PEAK1: variants seen among roughly 807,000 people sequenced by gnomAD.
PEAK1 encodes pseudopodium enriched atypical kinase 1, also known as inactive tyrosine-protein kinase PEAK1.
PEAK1 carries 54 observed loss-of-function variants against 124.7 expected under a neutral mutation model. The ratio of observed to expected loss-of-function variants is 0.43; its 90% CI spans 0.35 to 0.54. PEAK1 has a LOEUF of 0.54. PEAK1 is among the 20% of genes least tolerant of loss of function. The pLI is 0.01. For missense variants in PEAK1, 2,046 were observed against 2,134.5 expected, an observed-to-expected ratio of 0.96 and a Z score of 0.82; for synonymous variants, 719 against 760.0, an observed-to-expected ratio of 0.95 and a Z score of 0.89.
chr15:77,247,485 CTTTTTTTTTT>C (rs398028029), intron 6 of PEAK1, among the ~76,000 whole-genome samples: 1,399 of 84,398 alleles, frequency 0.017, 18 homozygotes, highest in African/African-American at 0.031. Context: ...CTTTTCTTTT[CTTTTTTTTTT>C]TTTTTTTTTT....
At chr15:77,331,161 G>A (rs1051485146) in intron 2 of PEAK1, 1 of 409,744 alleles carries the variant, frequency 2.4e-6, no homozygotes. Context: ...ACGAAGTCTT[G>A]CTCTGCTGCC....
At chr15:77,146,739 T>C (rs892806423) in intron 8 of PEAK1, among the ~76,000 whole-genome samples, 3 of 152,184 alleles carry the variant, frequency 2.0e-5, no homozygotes, top group South Asian at 2.1e-4. Flanking sequence ...TCTTTAGCCA[T>C]TGGTTCAAAT....
chr15:77,161,508 G>A (rs368908163), intron 7 of PEAK1, among the ~76,000 whole-genome samples: 19 of 152,268 alleles, frequency 1.2e-4, no homozygotes, highest in African/African-American at 1.9e-4. Flanking sequence ...AAAGAACTAC[G>A]CAAATAGAGT....
chr15:77,413,693 A>G (rs2072599650), intron 1 of PEAK1, among the ~76,000 whole-genome samples: 1 of 152,242 alleles, frequency 6.6e-6, no homozygotes, highest in African/African-American at 2.4e-5. Flanking sequence ...AAAAACTGGT[A>G]AAATATTAAA....
intron 1 of PEAK1, chr15:77,417,803 G>A: frequency 2.0e-6 from 2 of 985,412 alleles, no homozygotes; most frequent in Non-Finnish European, 2.4e-6. Context: ...GAACAATTTA[G>A]AAGAGTTATT....
chr15:77,192,987 A>G (rs2057918098), intron 6 of PEAK1, among the ~76,000 whole-genome samples: 1 of 152,220 alleles, frequency 6.6e-6, no homozygotes, highest in African/African-American at 2.4e-5. Flanking sequence ...ACACACAGAC[A>G]TATTTCACAG....
chr15:77,144,645 T>C (rs2054041459), intron 8 of PEAK1, among the ~76,000 whole-genome samples: 2 of 152,134 alleles, frequency 1.3e-5, no homozygotes, highest in Non-Finnish European at 2.9e-5. Flanking sequence ...TCTTCCCAAA[T>C]AGCAGGATAC....
intron 6 of PEAK1, among the ~76,000 whole-genome samples, chr15:77,216,528 G>A (rs1265863664): frequency 6.6e-6 from 1 of 152,194 alleles, no homozygotes; most frequent in Non-Finnish European, 1.5e-5. Flanking sequence ...CCTTATGAAA[G>A]TTTATGGGGT....
At chr15:77,116,179 T>A (rs1308030592) in intron 9 of PEAK1, among the ~76,000 whole-genome samples, 1 of 152,122 alleles carries the variant, frequency 6.6e-6, no homozygotes, top group African/African-American at 2.4e-5. Context: ...AAGCAAAAAG[T>A]AAGTAAAACC....
At chr15:77,303,924 T>A (rs1323484187) in intron 2 of PEAK1, among the ~76,000 whole-genome samples, 1 of 152,236 alleles carries the variant, frequency 6.6e-6, no homozygotes, top group Middle Eastern at 3.2e-3. Context: ...TAGGTTCAGT[T>A]TTGGATATGG....
At chr15:77,128,721 T>C (rs1431189382) in intron 9 of PEAK1, among the ~76,000 whole-genome samples, 15 of 152,208 alleles carry the variant, frequency 9.9e-5, no homozygotes, top group Admixed American at 9.2e-4. Context: ...CTGTTCACAG[T>C]TGTATTTTGT....
intron 6 of PEAK1, among the ~76,000 whole-genome samples, chr15:77,187,605 C>T (rs1158045146): frequency 2.6e-5 from 4 of 152,064 alleles, no homozygotes; most frequent in Non-Finnish European, 5.9e-5. Flanking sequence ...CCTAAAGGCA[C>T]CCAAGGAGAA....
At chr15:77,369,512 A>T (rs2068497471) in intron 1 of PEAK1, among the ~76,000 whole-genome samples, 1 of 152,188 alleles carries the variant, frequency 6.6e-6, no homozygotes, top group Admixed American at 6.5e-5. Context: ...CTAAGAGCCA[A>T]ATCCAGCCCA....
intron 1 of PEAK1, among the ~76,000 whole-genome samples, chr15:77,377,715 C>G (rs1346766394): frequency 1.3e-5 from 2 of 152,206 alleles, no homozygotes; most frequent in East Asian, 3.9e-4. Context: ...GGTGATCCGC[C>G]CACTTTGGCC....
chr15:77,242,259 T>C (rs964079434), intron 6 of PEAK1, among the ~76,000 whole-genome samples: 4 of 152,098 alleles, frequency 2.6e-5, no homozygotes, highest in Non-Finnish European at 4.4e-5. Context: ...TGTGTGTACA[T>C]ATATATTTTA....
chr15:77,155,371 T>TA (rs1404800635), intron 8 of PEAK1: 1 of 152,270 alleles, frequency 6.6e-6, no homozygotes, highest in African/African-American at 2.4e-5. Context: ...TTGGTTATTC[T>TA]AGTTATCCAT....
chr15:77,279,832 G>A (rs2062564200), intron 5 of PEAK1, among the ~76,000 whole-genome samples: 1 of 152,150 alleles, frequency 6.6e-6, no homozygotes, highest in Non-Finnish European at 1.5e-5. Flanking sequence ...GCTGGATACA[G>A]TTTAGCTAGG....
intron 2 of PEAK1, among the ~76,000 whole-genome samples, chr15:77,310,851 T>C (rs1014930365): frequency 6.6e-6 from 1 of 152,058 alleles, no homozygotes; most frequent in African/African-American, 2.4e-5. Flanking sequence ...CATGCAAAGG[T>C]TCTGAGATGA....
chr15:77,234,821 A>AT (rs919098438), intron 6 of PEAK1, among the ~76,000 whole-genome samples: 8 of 151,836 alleles, frequency 5.3e-5, no homozygotes, highest in South Asian at 2.1e-4. Context: ...AAATATATAT[A>AT]TTTTTTTGAG....
Sources: gnomAD v4.1 joint callset for allele counts (sites outside exome capture counted in the v4.1 genomes callset) on GRCh38, gnomAD v4.1.1 for gene constraint, MANE v1.5 for transcripts, NCBI Gene and HGNC (gene_info 2026-07-23, HGNC 2026-07-21) for gene names.